Variants in PRXL2A observed in about 807,000 individuals in gnomAD.
PRXL2A encodes the protein peroxiredoxin like 2A, also known as peroxiredoxin-like 2A.
Under a neutral mutation model 25.6 loss-of-function variants are expected in PRXL2A, and 26 were observed. The ratio of observed to expected loss-of-function variants is 1.02; its 90% CI spans 0.74 to 1.41. The LOEUF is 1.41. Among genes scored for constraint, PRXL2A ranks in the 40% most tolerant of loss-of-function variants. The pLI, the probability that PRXL2A is intolerant of heterozygous loss-of-function variation, is 0.00. For synonymous variants in PRXL2A, 98 were observed against 102.9 expected (o/e 0.95, Z 0.29); for missense variants, 246 against 273.9 (o/e 0.90, Z 0.72).
intron 1 of PRXL2A, among the ~76,000 whole-genome samples, chr10:80,419,410 C>A (rs779056360): frequency 6.6e-6 from 1 of 150,728 alleles, no homozygotes; most frequent in East Asian, 2.0e-4. Flanking sequence ...CAGGTTCAAG[C>A]GATTCTCCTG....
chr10:80,415,003 ACGTGCTTC>A (rs1178851696), intron 1 of PRXL2A, among the ~76,000 whole-genome samples: 2 of 152,338 alleles, frequency 1.3e-5, no homozygotes, highest in East Asian at 3.9e-4. Flanking sequence ...TCACAGTAGT[ACGTGCTTC>A]AAGACATGCC....
rs111483911 is a variant in PRXL2A, at chr10:80,427,265, C to T, written c.412-67C>T. The T allele has an allele frequency of 1.9e-4, 267 of 1,423,968 alleles. 2 individuals are homozygous for T. The African/African-American group carries it at 2.9e-3, about 16-fold the overall frequency. 88.2% of individuals were successfully genotyped at this position (1,423,968 alleles called of 1,614,324 possible). ...CTGAGAACCAATGCCCCGTCAGGAG[C>T]GTTTCCTCCTTGAGGAAGGCAGGCA... On this transcript the variant is annotated intron_variant, in intron 4 of 5. Transcript: ENST00000606162.
At chr10:80,421,412 G>A (rs961887236) in intron 2 of PRXL2A, among the ~76,000 whole-genome samples, 4 of 152,218 alleles carry the variant, frequency 2.6e-5, no homozygotes, top group African/African-American at 9.6e-5. Context: ...AGTTGGAGTG[G>A]TGAAGGTCTC....
chr10:80,421,216 A>G (rs1041589007), intron 2 of PRXL2A, among the ~76,000 whole-genome samples: 1 of 152,190 alleles, frequency 6.6e-6, no homozygotes, highest in Admixed American at 6.5e-5. Flanking sequence ...TGTCTGAGGA[A>G]TCACTTCAAG....
chr10:80,413,960 A>G, intron 1 of PRXL2A: 2 of 853,202 alleles, frequency 2.3e-6, no homozygotes, highest in Non-Finnish European at 3.0e-6. Flanking sequence ...TGTATAGGAA[A>G]GAGACAGGGT....
chr10:80,430,963 C>T (rs1435346048), intron 5 of PRXL2A, among the ~76,000 whole-genome samples: 1 of 152,146 alleles, frequency 6.6e-6, no homozygotes, highest in African/African-American at 2.4e-5. Context: ...GATCTCGGCT[C>T]ACTGCAACCT....
Position 80,427,495 on chromosome 10 carries a change from A to G in PRXL2A, c.575A>G (p.Gln192Arg). 1.2e-6 allele frequency: 2 copies of G among 1,613,968 alleles called. No homozygotes were observed. The highest frequency in any genetic ancestry group is 8.5e-7 in the Non-Finnish European group (1 of 1,179,930). ...GGVFVVGSGKQGILLEHREKE... is the reference protein window; with the variant it reads ...GGVFVVGSGKRGILLEHREKE... ...GTTTTCGTGGTGGGATCAGGAAAGC[A>G]GGTGAGTTCTTGGTGTTTACTTGTG... Residue 192 changes from glutamine to arginine, a missense_variant and splice_region_variant, in exon 5 of 6, where the codon CAG (glutamine) becomes CGG (arginine). Gln to Arg is a conservative substitution (Grantham distance 43). Transcript: ENST00000606162.
rs1427330216 is a variant in PRXL2A, at chr10:80,408,826, A to G, written c.-3+183A>G. Among the ~76,000 whole-genome samples, 6 of 152,240 alleles carry G rather than the reference A, an allele frequency of 3.9e-5. No homozygotes were observed. In the East Asian group the frequency reaches 1.2e-3, roughly 30 times the overall value. ...CGCCGCAGCGCTGGCGCTCCCTCCG[A>G]GGACGACGACCCTTCCGCCACCCTG... On this transcript the variant is annotated intron_variant, in intron 1 of 5. Transcript: ENST00000606162.
rs141373617 is a variant in PRXL2A at position 80,425,988 on chromosome 10, A to G, written c.393A>G (p.Glu131=). ...VKDFQPYFKG[E]IFLDEKKKFY... Reference sequence around the variant, plus strand: ...ATTTCCAGCCTTATTTCAAAGGAGAAATCTTCCTGGATGAAAAGGTGTGTG... The same window carrying G: ...ATTTCCAGCCTTATTTCAAAGGAGAGATCTTCCTGGATGAAAAGGTGTGTG... The change falls in exon 4 of 6, where the codon GAA becomes GAG. Residue 131 remains glutamate (E), a synonymous_variant. Transcript: ENST00000606162. 9.9e-5 allele frequency: 160 copies of G among 1,614,224 alleles called. No individual in the cohort carries two copies. The African/African-American group carries it at 1.9e-3, about 19-fold the overall frequency.
intron 1 of PRXL2A, among the ~76,000 whole-genome samples, chr10:80,412,609 C>T (rs1175319806): frequency 6.6e-6 from 1 of 152,138 alleles, no homozygotes; most frequent in Non-Finnish European, 1.5e-5. Context: ...TGTGCGCACA[C>T]ACATGCACGC....
rs923735543 is a variant in PRXL2A, at chr10:80,432,826, A to T, written c.*727A>T. 6.6e-6 allele frequency: 1 copy of T among 152,130 alleles called. No homozygotes were observed. The highest frequency in any genetic ancestry group is 1.5e-5 in the Non-Finnish European group (1 of 68,018). The allele number at this position is 152,130 out of a possible 1,614,324, so 9.4% of individuals were successfully genotyped here. On this transcript the variant is annotated 3_prime_UTR_variant, in exon 6 of 6. Transcript: ENST00000606162. ...TTTTCTATTAATAATTGGTTATATG[A>T]TGTCAAAGTAATACTTTCATAATAG... is the stretch of plus-strand genomic sequence containing the variant.
intron 1 of PRXL2A, among the ~76,000 whole-genome samples, chr10:80,414,808 C>T (rs1228960631): frequency 1.3e-5 from 2 of 152,224 alleles, no homozygotes; most frequent in Non-Finnish European, 2.9e-5. Context: ...CCATTACTGA[C>T]AGCTTCTAAG....
chr10:80,424,455 G>A (rs1323543731), intron 3 of PRXL2A, among the ~76,000 whole-genome samples: 1 of 147,612 alleles, frequency 6.8e-6, no homozygotes, highest in Non-Finnish European at 1.5e-5. Context: ...ATGTTGGTGT[G>A]CACTTGTAGT....
At chr10:80,424,830 C>T (rs1430517012) in intron 3 of PRXL2A, among the ~76,000 whole-genome samples, 1 of 152,184 alleles carries the variant, frequency 6.6e-6, no homozygotes, top group Non-Finnish European at 1.5e-5. Context: ...CACTACACTC[C>T]AGCATGGGCG....
At chr10:80,412,355 A>G (rs1459808375) in intron 1 of PRXL2A, among the ~76,000 whole-genome samples, 6 of 152,204 alleles carry the variant, frequency 3.9e-5, no homozygotes, top group Non-Finnish European at 8.8e-5. Flanking sequence ...ATTGCCTTTC[A>G]TACTGAACTG....
chr10:80,423,955 G>A (rs1343399738), intron 3 of PRXL2A, among the ~76,000 whole-genome samples: 2 of 151,932 alleles, frequency 1.3e-5, no homozygotes, highest in African/African-American at 4.8e-5. Flanking sequence ...TTGGTTTATG[G>A]CCCCTTCCTC....
rs771627730 is a variant in PRXL2A at position 80,425,989 on chromosome 10, A to G, written c.394A>G (p.Ile132Val). ...TTTCCAGCCTTATTTCAAAGGAGAA[A>G]TCTTCCTGGATGAAAAGGTGTGTGT... Reference protein sequence around the residue: ...KDFQPYFKGEIFLDEKKKFYG... With the variant: ...KDFQPYFKGEVFLDEKKKFYG... Residue 132 changes from isoleucine to valine, a missense_variant, in exon 4 of 6, where the codon ATC becomes GTC. Ile to Val is a conservative substitution (Grantham distance 29). Coordinates refer to ENST00000606162, the MANE Select transcript of PRXL2A (RefSeq NM_032333.5). The G allele has an allele frequency of 4.3e-6, 7 of 1,614,196 alleles. No individual in the cohort carries two copies. Among genetic ancestry groups the G allele is most frequent in the Non-Finnish European group, 8.5e-7 (1 of 1,180,024 alleles).
intron 1 of PRXL2A, among the ~76,000 whole-genome samples, chr10:80,418,589 G>T (rs1310240339): frequency 2.0e-5 from 3 of 152,154 alleles, no homozygotes; most frequent in Admixed American, 6.5e-5. Flanking sequence ...TGAGTCAGAG[G>T]TTCGATGGGC....
At chr10:80,413,569 A>G (rs1844545493) in intron 1 of PRXL2A, among the ~76,000 whole-genome samples, 1 of 152,258 alleles carries the variant, frequency 6.6e-6, no homozygotes, top group Admixed American at 6.5e-5. Context: ...ACCGGATAGC[A>G]GAGGAGTCTG....
Sources: allele counts gnomAD v4.1 joint callset (sites outside exome capture counted in the v4.1 genomes callset), GRCh38; gene constraint gnomAD v4.1.1; transcripts MANE v1.5; gene names NCBI Gene and HGNC (gene_info 2026-07-23, HGNC 2026-07-21).